The following NDUFA5 variants were observed in gnomAD, a reference collection of about 807,000 sequenced individuals.
The protein encoded by NDUFA5 is NADH:ubiquinone oxidoreductase subunit A5.
NDUFA5 carries 11 observed loss-of-function variants against 19.8 expected under a neutral mutation model. The observed-to-expected ratio is 0.56, with a 90% confidence interval of 0.35 to 0.92. The LOEUF is 0.92. Among genes scored for constraint, NDUFA5 ranks in the 40% least tolerant of loss-of-function variants. NDUFA5 has a pLI of 0.01. For synonymous variants in NDUFA5, 47 were observed against 46.8 expected (o/e 1.00, Z -0.01); for missense variants, 109 against 134.2 (o/e 0.81, Z 0.93).
At chr7:123,588,687 T>C in the NDUFA5 span, among the ~76,000 whole-genome samples, 2 of 151,518 alleles carry the variant, frequency 1.3e-5, no homozygotes, top group African/African-American at 4.8e-5. Context: ...GGATTTTTTT[T>C]TTCTTAACAT....
the NDUFA5 span, among the ~76,000 whole-genome samples, chr7:123,576,115 T>A: frequency 2.6e-5 from 4 of 151,396 alleles, no homozygotes; most frequent in Non-Finnish European, 5.9e-5. Flanking sequence ...TCCTTAAGAC[T>A]TTCTTTATTT....
chr7:123,564,863 T>C, the NDUFA5 span, among the ~76,000 whole-genome samples: 1 of 151,210 alleles, frequency 6.6e-6, no homozygotes, highest in African/African-American at 2.4e-5. Flanking sequence ...TATTGGTATA[T>C]AGCCCCTTTG....
chr7:123,557,419 G>GCA lies in NDUFA5; in HGVS notation c.49_50dup (p.Asn18AlafsTer8). 6.2e-7 allele frequency: 1 copy of GCA among 1,613,242 alleles called. No individual in the cohort carries two copies. Among genetic ancestry groups the GCA allele is most frequent in the Non-Finnish European group, 8.5e-7 (1 of 1,179,642 alleles). ...AGGTACATACCTCGTGAGGAGTATT[G>GCA]CACACAGCCAATCCCACAAGGCCAG... On this transcript the variant is annotated frameshift_variant, in exon 2 of 5. Transcript: ENST00000355749. LOFTEE classifies it high-confidence loss of function.
rs753540083 is a variant in NDUFA5, at chr7:123,557,281, C to T, written c.66+123G>A. 8.7e-6 allele frequency: 12 copies of T among 1,377,210 alleles called. No homozygotes were observed. The Admixed American group carries it at 2.3e-4, about 26-fold the overall frequency. 85.3% of individuals were successfully genotyped at this position (1,377,210 alleles called of 1,614,324 possible). On this transcript the variant is annotated intron_variant, in intron 2 of 4. Transcript: ENST00000355749. ...GTGGACAGCGCCCGTGTCTCAAGAG[C>T]TCACGCGGCTTGTAATTAAGGGCTT...
At chr7:123,545,796 TC>T (rs1471810614) in intron 3 of NDUFA5, 120 bp from the exon 4 acceptor site, 4 of 643,370 alleles carry the variant, frequency 6.2e-6, no homozygotes, top group African/African-American at 5.6e-5. Flanking sequence ...TTCATCATAC[TC>T]TTTTTACTAA....
At chr7:123,555,212 A>T (rs911884782) in intron 2 of NDUFA5, 2 of 152,232 alleles carry the variant, frequency 1.3e-5, no homozygotes, top group African/African-American at 4.8e-5. Context: ...TTCGGGCTTT[A>T]TTCTGTGGAC....
rs537114130 is a variant in NDUFA5, at chr7:123,537,996, T to C, written c.*4123A>G. On this transcript the variant is annotated 3_prime_UTR_variant, in exon 5 of 5. Transcript: ENST00000355749. Reference sequence around the variant, plus strand: ...TGTACCACAAAAAATTAGCTGCTAATGTAAACCTAAAGACCAATTTGAAAA... The same window carrying C: ...TGTACCACAAAAAATTAGCTGCTAACGTAAACCTAAAGACCAATTTGAAAA... 3.3e-5 allele frequency: 5 copies of C among 152,220 alleles called. No homozygotes were observed. The highest frequency in any genetic ancestry group is 2.6e-4 in the Admixed American group (4 of 15,286). The allele number at this position is 152,220 out of a possible 1,614,324, so 9.4% of individuals were successfully genotyped here.
At chr7:123,577,696 G>A in the NDUFA5 span, among the ~76,000 whole-genome samples, 5 of 151,912 alleles carry the variant, frequency 3.3e-5, no homozygotes, top group African/African-American at 4.8e-5. Context: ...ACATCAATCC[G>A]TTATTAGATT....
At position 123,547,138 on chromosome 7, in the gene NDUFA5, G is replaced by A. The variant is rs150480885; in HGVS notation, c.184-1462C>T. Among the ~76,000 whole-genome samples the A allele has an allele frequency of 3.9e-5, 6 of 152,212 alleles. No homozygotes were observed. The East Asian group carries it at 9.7e-4, about 25-fold the overall frequency. ...AGATTCTACCCAATATCCTCCAAAG[G>A]AAGCACAGCCCTGACAACACCATCT... On this transcript the variant is annotated intron_variant, in intron 3 of 4. Coordinates refer to ENST00000355749, the MANE Select transcript of NDUFA5 (RefSeq NM_005000.5).
chr7:123,571,974 C>G, the NDUFA5 span, among the ~76,000 whole-genome samples: 1 of 151,724 alleles, frequency 6.6e-6, no homozygotes, highest in Non-Finnish European at 1.5e-5. Flanking sequence ...GGTCTCACTA[C>G]ATCTTTTGTA....
At chr7:123,582,380 T>C in the NDUFA5 span, among the ~76,000 whole-genome samples, 2 of 151,990 alleles carry the variant, frequency 1.3e-5, no homozygotes, top group Non-Finnish European at 2.9e-5. Context: ...ACTACCCTAG[T>C]GCACCCCAAA....
At position 123,550,488 on chromosome 7, in the gene NDUFA5, C is replaced by A. The variant is rs1455841731; in HGVS notation, c.165G>T (p.Lys55Asn). 1 of 1,605,396 alleles carries A rather than the reference C, an allele frequency of 6.2e-7. No homozygotes were observed. The highest frequency in any genetic ancestry group is 8.5e-7 in the Non-Finnish European group (1 of 1,174,664). ...RKYTEQITNE[K>N]LAMVKAEPDV... is the part of the protein sequence containing the mutation. ...TACTTACCGCTTTAACCATAGCCAG[C>A]TTCTCATTTGTAATCTGTTCTGTAT... The change falls in exon 3 of 5, where the codon AAG becomes AAT. Residue 55 changes from lysine to asparagine, a missense_variant. Physicochemically the swap from Lys to Asn is moderately conservative, Grantham distance 94. Transcript: ENST00000355749.
the NDUFA5 span, among the ~76,000 whole-genome samples, chr7:123,566,799 GGA>G: frequency 6.6e-6 from 1 of 152,206 alleles, no homozygotes; most frequent in Middle Eastern, 3.4e-3. Context: ...ACTCTTTTCT[GGA>G]AACCACATTT....
chr7:123,601,241 T>G, the NDUFA5 span, among the ~76,000 whole-genome samples: 442 of 152,282 alleles, frequency 2.9e-3, 1 homozygote, highest in African/African-American at 0.01. Context: ...AATCCCAATT[T>G]TTTTGCTTGT....
the NDUFA5 span, among the ~76,000 whole-genome samples, chr7:123,570,935 G>T: frequency 6.6e-6 from 1 of 152,148 alleles, no homozygotes; most frequent in South Asian, 2.1e-4. Context: ...CGGCCTGGGT[G>T]AGTCCTTTAA....
At chr7:123,543,532 T>C (rs1459750062) in intron 4 of NDUFA5, among the ~76,000 whole-genome samples, 2 of 152,112 alleles carry the variant, frequency 1.3e-5, no homozygotes, top group African/African-American at 4.8e-5. Context: ...TGACTTCATA[T>C]AAAAAAGAAT....
chr7:123,594,746 C>A, the NDUFA5 span, among the ~76,000 whole-genome samples: 1 of 152,252 alleles, frequency 6.6e-6, no homozygotes, highest in East Asian at 1.9e-4. Context: ...GGGTCAGGGA[C>A]CCACTTAAGG....
At chr7:123,590,163 G>C in the NDUFA5 span, among the ~76,000 whole-genome samples, 1 of 151,962 alleles carries the variant, frequency 6.6e-6, no homozygotes, top group Non-Finnish European at 1.5e-5. Context: ...TTGTTGATGG[G>C]GTTGTTTGTT....
At chr7:123,601,417 A>C in the NDUFA5 span, among the ~76,000 whole-genome samples, 1 of 152,224 alleles carries the variant, frequency 6.6e-6, no homozygotes. Flanking sequence ...TATGACAAGA[A>C]GATTGTATTT....
Sources: allele counts gnomAD v4.1 joint callset (sites outside exome capture counted in the v4.1 genomes callset), GRCh38; gene constraint gnomAD v4.1.1; transcripts MANE v1.5; gene names NCBI Gene and HGNC (gene_info 2026-07-23, HGNC 2026-07-21).